The following SESN1 variants were observed in gnomAD, a reference collection of about 807,000 sequenced individuals.
SESN1 encodes sestrin 1.
Under a neutral mutation model 59.3 loss-of-function variants are expected in SESN1, and 30 were observed. That is an observed-to-expected ratio of 0.51 (90% CI 0.38 to 0.69). SESN1 has a LOEUF of 0.69. Ranked by LOEUF, SESN1 falls within the 30% of genes least tolerant of loss-of-function variation. The pLI, the probability that SESN1 is intolerant of heterozygous loss-of-function variation, is 0.00. For missense variants in SESN1, 566 were observed against 673.0 expected (o/e 0.84, Z 1.76); for synonymous variants, 197 against 219.9 (o/e 0.90, Z 0.92).
At chr6:109,035,041 C>T (rs1780230966) in intron 1 of SESN1, among the ~76,000 whole-genome samples, 1 of 152,016 alleles carries the variant, frequency 6.6e-6, no homozygotes, top group Admixed American at 6.6e-5. Flanking sequence ...TTTTCCTCAA[C>T]TTATGGTGAG....
chr6:109,000,604 C>A lies in SESN1; in HGVS notation c.616G>T (p.Asp206Tyr), dbSNP rs974512964. 1.2e-6 allele frequency: 2 copies of A among 1,612,048 alleles called. No homozygotes were observed. The highest frequency in any genetic ancestry group is 4.5e-5 in the East Asian group (2 of 44,814). The change falls in exon 4 of 10, where the codon GAC becomes TAC. Residue 206 changes from aspartate to tyrosine, a missense_variant. Coordinates refer to ENST00000436639, the MANE Select transcript of SESN1 (RefSeq NM_014454.3). ...HVNDFLHVGG[D>Y]PKWLNGLENA... ...TCTAAACCATTGAGCCACTTGGGGT[C>A]CCCACCAACATGAAGGAAATCATTT...
At chr6:108,995,451 C>G (rs1442978977) in intron 5 of SESN1, among the ~76,000 whole-genome samples, 2 of 152,202 alleles carry the variant, frequency 1.3e-5, no homozygotes, top group Admixed American at 1.3e-4. Flanking sequence ...GCAGCTGTCA[C>G]TTGCTGGGAT....
chr6:108,995,312 A>G (rs951208012), intron 5 of SESN1, among the ~76,000 whole-genome samples: 3 of 152,226 alleles, frequency 2.0e-5, no homozygotes, highest in Admixed American at 6.5e-5. Flanking sequence ...AACTGTGTAC[A>G]CTGGGCATAC....
intron 1 of SESN1, chr6:109,008,928 G>A: frequency 1.0e-6 from 1 of 989,398 alleles, no homozygotes; most frequent in Non-Finnish European, 1.2e-6. Context: ...GATGAAGGTG[G>A]CTAAATAATC....
At chr6:109,004,614 T>G (rs1779693124) in intron 1 of SESN1, among the ~76,000 whole-genome samples, 1 of 145,222 alleles carries the variant, frequency 6.9e-6, no homozygotes, top group African/African-American at 2.9e-5. Context: ...GTATTTTTAG[T>G]AGAGACAGGG....
rs144143192 is a variant in SESN1 at position 109,028,556 on chromosome 6, G to C, written c.280-26213C>G. On this transcript the variant is annotated intron_variant, in intron 1 of 9. Transcript: ENST00000436639. ...AAAGTAAAGTGGTCTTTCTTCCAGA[G>C]ACCAGTGCCTTTCTTCCGGGCAATA... Among the ~76,000 whole-genome samples the C allele has an allele frequency of 1.8e-3, 281 of 152,226 alleles. 1 individual carries two copies. Among genetic ancestry groups the C allele is most frequent in the Admixed American group, 5.5e-3 (84 of 15,288 alleles).
intron 1 of SESN1, among the ~76,000 whole-genome samples, chr6:109,078,881 A>G (rs1434404297): frequency 2.0e-5 from 3 of 152,228 alleles, no homozygotes; most frequent in Admixed American, 6.5e-5. Flanking sequence ...GTATTTTAAC[A>G]AGAGAAAGGA....
rs1311421689 is a variant in SESN1 at position 109,025,181 on chromosome 6, G to T, written c.280-22838C>A. 3.9e-5 allele frequency among the ~76,000 whole-genome samples: 6 copies of T among 152,044 alleles called. No individual in the cohort carries two copies. The East Asian group carries it at 1.2e-3, about 29-fold the overall frequency. On this transcript the variant is annotated intron_variant, in intron 1 of 9. Transcript: ENST00000436639. Reference sequence around the variant, plus strand: ...AAGGAAAAACACCCCATTTACAAAAGAAGACAGAAGATTTGCCTGTTTTAA... The same window carrying T: ...AAGGAAAAACACCCCATTTACAAAATAAGACAGAAGATTTGCCTGTTTTAA...
chr6:109,018,714 T>C (rs1346299774), intron 1 of SESN1, among the ~76,000 whole-genome samples: 1 of 152,192 alleles, frequency 6.6e-6, no homozygotes, highest in Admixed American at 6.5e-5. Context: ...TGTTCAAGCT[T>C]CTGGATCAGT....
Position 108,987,444 on chromosome 6 carries a change from G to T in SESN1, c.*100C>A. The T allele has an allele frequency of 1.7e-6, 1 of 589,686 alleles. No individual in the cohort carries two copies. The highest frequency in any genetic ancestry group is 3.0e-6 in the Non-Finnish European group (1 of 337,614). The allele number at this position is 589,686 out of a possible 1,614,324, so 36.5% of individuals were successfully genotyped here. A position where few individuals can be genotyped will look rare whatever the true frequency, so the allele number is the denominator to read the frequency against. Reference sequence around the variant, plus strand: ...AGGAATCATGGCACAATGGATTTCTGAATTATTTTGTCTACCATTGGTCCT... The same window carrying T: ...AGGAATCATGGCACAATGGATTTCTTAATTATTTTGTCTACCATTGGTCCT... On this transcript the variant is annotated 3_prime_UTR_variant, in exon 10 of 10. Transcript: ENST00000436639.
At position 109,072,351 on chromosome 6, in the gene SESN1, T is replaced by C. The variant is rs115255592; in HGVS notation, c.279+21444A>G. On this transcript the variant is annotated intron_variant, in intron 1 of 9. Coordinates refer to ENST00000436639, the MANE Select transcript of SESN1 (RefSeq NM_014454.3). ...TTATTGTATAGTGGGTGATTTCCCT[T>C]CTATAGTCAGTAGTTTACAACAAGT... Among the ~76,000 whole-genome samples, 1,192 of 152,316 alleles carry C rather than the reference T, an allele frequency of 7.8e-3. 21 individuals are homozygous for C. Among genetic ancestry groups the C allele is most frequent in the African/African-American group, 0.028 (1,145 of 41,564 alleles).
At chr6:109,048,242 T>C (rs770762193) in intron 1 of SESN1, among the ~76,000 whole-genome samples, 1 of 152,126 alleles carries the variant, frequency 6.6e-6, no homozygotes, top group Non-Finnish European at 1.5e-5. Context: ...CATTCAGATA[T>C]CTCCAACTGA....
chr6:109,069,036 TA>T (rs772129435), intron 1 of SESN1, among the ~76,000 whole-genome samples: 5 of 152,056 alleles, frequency 3.3e-5, no homozygotes, highest in Non-Finnish European at 7.4e-5. Flanking sequence ...TTTCAAACTC[TA>T]AAGATAAATG....
Position 108,990,774 on chromosome 6 carries a change from T to A in SESN1, c.1295A>T (p.Gln432Leu). ...AATGTGAAATTTTTCATCAATCAAC[T>A]GTCCCACATCTGGATAAAGGCGATT... ...LVNRLYPDVG[Q>L]LIDEKFHIAY... is the part of the protein sequence containing the mutation. Residue 432 changes from glutamine to leucine, a missense_variant, in exon 8 of 10, where the codon CAG (glutamine) becomes CTG (leucine). Gln to Leu is a moderately radical substitution (Grantham distance 113). Coordinates refer to ENST00000436639, the MANE Select transcript of SESN1 (RefSeq NM_014454.3). 6.2e-7 allele frequency: 1 copy of A among 1,614,114 alleles called. No individual in the cohort carries two copies. Among genetic ancestry groups the A allele is most frequent in the Non-Finnish European group, 8.5e-7 (1 of 1,180,002 alleles).
chr6:109,053,067 C>A (rs12179824), intron 1 of SESN1, among the ~76,000 whole-genome samples: 7 of 149,776 alleles, frequency 4.7e-5, no homozygotes, highest in African/African-American at 1.7e-4. Context: ...TGTGTGTGTG[C>A]GTGCGTGTGT....
intron 1 of SESN1, among the ~76,000 whole-genome samples, chr6:109,045,291 CT>C (rs112942730): frequency 0.1 from 15,204 of 152,224 alleles, 919 homozygotes; most frequent in Middle Eastern, 0.19. Context: ...CACCATGTCT[CT>C]CCCAGATTAG....
intron 6 of SESN1, 101 bp from the exon 7 acceptor site, chr6:108,993,000 G>T: frequency 1.4e-6 from 1 of 704,410 alleles, no homozygotes. Flanking sequence ...CTCTGATACT[G>T]AGTGACCAAT....
intron 1 of SESN1, among the ~76,000 whole-genome samples, chr6:109,071,933 GA>G (rs1780942398): frequency 6.6e-6 from 1 of 152,130 alleles, no homozygotes; most frequent in African/African-American, 2.4e-5. Context: ...CAATCTCTTT[GA>G]AAATCTGATA....
At chr6:109,083,412 C>T (rs994111196) in intron 1 of SESN1, among the ~76,000 whole-genome samples, 5 of 151,952 alleles carry the variant, frequency 3.3e-5, no homozygotes, top group Non-Finnish European at 7.4e-5. Context: ...TTTCCCATGT[C>T]AAAAAATAGA....
Sources: allele counts gnomAD v4.1 joint callset (sites outside exome capture counted in the v4.1 genomes callset), GRCh38; gene constraint gnomAD v4.1.1; transcripts MANE v1.5; gene names NCBI Gene and HGNC (gene_info 2026-07-23, HGNC 2026-07-21).